The following DRAM1 variants were observed in gnomAD, a reference collection of about 807,000 sequenced individuals.
DRAM1 encodes DNA damage-regulated autophagy modulator protein 1.
Under a neutral mutation model 28.5 loss-of-function variants are expected in DRAM1, and 25 were observed. The ratio of observed to expected loss-of-function variants is 0.88; its 90% CI spans 0.64 to 1.23. The LOEUF (loss-of-function observed/expected upper bound fraction) is 1.23. DRAM1 is among the 50% of genes most tolerant of loss of function. The probability of loss-of-function intolerance (pLI) is 0.00; values close to 1 mark genes in which losing one functional copy is unlikely to be tolerated. For synonymous variants in DRAM1, 113 were observed against 114.2 expected (o/e 0.99, Z 0.07); for missense variants, 249 against 299.2 (o/e 0.83, Z 1.24).
intron 3 of DRAM1, among the ~76,000 whole-genome samples, chr12:101,907,954 C>T (rs566075388): frequency 3.9e-4 from 60 of 152,226 alleles, no homozygotes; most frequent in African/African-American, 1.4e-3. Flanking sequence ...ACCTGTAAGG[C>T]AGACCTCCTT....
chr12:101,882,330 T>C (rs939939928), intron 1 of DRAM1, among the ~76,000 whole-genome samples: 7 of 150,898 alleles, frequency 4.6e-5, no homozygotes, highest in South Asian at 2.3e-4. Context: ...CAGGATGGTC[T>C]CGATCTCCTG....
intron 3 of DRAM1, among the ~76,000 whole-genome samples, chr12:101,903,550 G>C (rs1873677205): frequency 6.6e-6 from 1 of 152,076 alleles, no homozygotes; most frequent in Admixed American, 6.6e-5. Flanking sequence ...GGGAGGTATT[G>C]GTCAAAGGGT....
chr12:101,918,639 C>A (rs955782123), intron 5 of DRAM1, among the ~76,000 whole-genome samples: 2 of 152,228 alleles, frequency 1.3e-5, no homozygotes, highest in African/African-American at 4.8e-5. Context: ...TGTGATCCAG[C>A]ACATTTACTT....
At chr12:101,908,893 CAAAAAAAAAAA>C (rs56843086) in intron 4 of DRAM1, among the ~76,000 whole-genome samples, 1 of 70,892 alleles carries the variant, frequency 1.4e-5, no homozygotes, top group African/African-American at 4.8e-5. Context: ...TCCCCACAAC[CAAAAAAAAAAA>C]AAAAAAAAAA....
At chr12:101,900,334 G>T (rs1415856539) in intron 2 of DRAM1, among the ~76,000 whole-genome samples, 1 of 152,146 alleles carries the variant, frequency 6.6e-6, no homozygotes, top group Non-Finnish European at 1.5e-5. Flanking sequence ...CAGAAGAATT[G>T]ATAGATATGA....
chr12:101,904,774 T>TCC (rs1873742571), intron 3 of DRAM1, among the ~76,000 whole-genome samples: 1 of 152,086 alleles, frequency 6.6e-6, no homozygotes, highest in African/African-American at 2.4e-5. Flanking sequence ...TCTCTCTCTC[T>TCC]CCCTCTCTGT....
chr12:101,883,737 A>G (rs1872774683), intron 1 of DRAM1, among the ~76,000 whole-genome samples: 1 of 151,730 alleles, frequency 6.6e-6, no homozygotes, highest in Non-Finnish European at 1.5e-5. Flanking sequence ...AGAGATCGCA[A>G]CCATTCTGGC....
At position 101,921,715 on chromosome 12, in the gene DRAM1, T is replaced by G. The variant is rs181948120; in HGVS notation, c.*455T>G. On this transcript the variant is annotated 3_prime_UTR_variant, in exon 7 of 7. Transcript: ENST00000258534. ...TGAATGAACTGTATAATTTTTTTTA[T>G]CAGGAGAGCACTTATAAAATTCAAT... 1 of 154,170 alleles carries G rather than the reference T, an allele frequency of 6.5e-6. No individual in the cohort carries two copies. Among genetic ancestry groups the G allele is most frequent in the East Asian group, 1.9e-4 (1 of 5,216 alleles). The allele number at this position is 154,170 out of a possible 1,614,324, so 9.6% of individuals were successfully genotyped here. A position where few individuals can be genotyped will look rare whatever the true frequency, so the allele number is the denominator to read the frequency against.
chr12:101,922,552 G>GT lies in DRAM1; in HGVS notation c.*1293dup, dbSNP rs1874523656. 4 of 152,366 alleles carry GT rather than the reference G, an allele frequency of 2.6e-5. No homozygotes were observed. The highest frequency in any genetic ancestry group is 9.6e-5 in the African/African-American group (4 of 41,576). 9.4% of individuals were successfully genotyped at this position (152,366 alleles called of 1,614,324 possible). A position where few individuals can be genotyped will look rare whatever the true frequency, so the allele number is the denominator to read the frequency against. Reference sequence around the variant, plus strand: ...TAGCTCCTCATTAACTATTTGTTGGGTGAGTAAAGGGGTGAGGCTCAGTGG... The same window carrying GT: ...TAGCTCCTCATTAACTATTTGTTGGGTTGAGTAAAGGGGTGAGGCTCAGTGG... On this transcript the variant is annotated 3_prime_UTR_variant, in exon 7 of 7. Transcript: ENST00000258534.
At chr12:101,903,529 GAT>G (rs1269206898) in intron 3 of DRAM1, among the ~76,000 whole-genome samples, 1 of 152,162 alleles carries the variant, frequency 6.6e-6, no homozygotes, top group Non-Finnish European at 1.5e-5. Flanking sequence ...TGAAGAGGAA[GAT>G]GAGGAGCGGG....
At position 101,921,591 on chromosome 12, in the gene DRAM1, T is replaced by A. The variant is rs1874487218; in HGVS notation, c.*331T>A. 5.2e-6 allele frequency: 1 copy of A among 190,968 alleles called. No homozygotes were observed. Among genetic ancestry groups the A allele is most frequent in the Non-Finnish European group, 1.1e-5 (1 of 94,118 alleles). 11.8% of individuals were successfully genotyped at this position (190,968 alleles called of 1,614,324 possible). A position where few individuals can be genotyped will look rare whatever the true frequency, so the allele number is the denominator to read the frequency against. On this transcript the variant is annotated 3_prime_UTR_variant, in exon 7 of 7. Coordinates refer to ENST00000258534, the MANE Select transcript of DRAM1 (RefSeq NM_018370.3). Reference sequence around the variant, plus strand: ...GATTCTGTCGTTTTTGTTTTATTTGTGTGAGATTTATGGAAATACACTAAA... The same window carrying A: ...GATTCTGTCGTTTTTGTTTTATTTGAGTGAGATTTATGGAAATACACTAAA...
At chr12:101,913,007 T>C (rs76997354) in intron 4 of DRAM1, among the ~76,000 whole-genome samples, 13,549 of 152,086 alleles carry the variant, frequency 0.089, 1,187 homozygotes, top group East Asian at 0.24. Context: ...GGATTACAGG[T>C]GTGAGCCACT....
chr12:101,901,235 T>A (rs987733129), intron 2 of DRAM1, 56 bp from the exon 3 acceptor site: 26 of 1,565,258 alleles, frequency 1.7e-5, no homozygotes, highest in Non-Finnish European at 2.2e-5. Context: ...TGCTCCTGTT[T>A]TTCATCCTAA....
intron 3 of DRAM1, among the ~76,000 whole-genome samples, chr12:101,904,588 C>T (rs1200088858): frequency 6.6e-6 from 1 of 151,436 alleles, no homozygotes; most frequent in East Asian, 1.9e-4. Context: ...ACTACAGGCG[C>T]CCGCCACCAC....
chr12:101,888,272 G>A (rs1872962090), intron 1 of DRAM1, among the ~76,000 whole-genome samples: 1 of 151,966 alleles, frequency 6.6e-6, no homozygotes, highest in African/African-American at 2.4e-5. Flanking sequence ...TGGGATTACA[G>A]GCGTCCGCCA....
intron 1 of DRAM1, among the ~76,000 whole-genome samples, chr12:101,882,403 C>T (rs145479385): frequency 0.017 from 2,519 of 151,276 alleles, 67 homozygotes; most frequent in African/African-American, 0.058. Context: ...AGCCACCGCG[C>T]CCGGCCCCTG....
In DRAM1 at chr12:101,877,899, A is replaced by C; in HGVS notation, c.110A>C (p.Asn37Thr). The stretch of plus-strand genomic sequence containing the variant: ...GTCGCCGTGCTCTCCGGGCACGTCA[A>C]CCCCTTCCTCCCGTATATCAGGTGA... ...YVVAVLSGHV[N>T]PFLPYISDTG... Residue 37 changes from asparagine (N) to threonine (T), a missense_variant, in exon 1 of 7, where the codon AAC becomes ACC. Coordinates refer to ENST00000258534, the MANE Select transcript of DRAM1 (RefSeq NM_018370.3). This position sits in a 1 kb window ranked among gnomAD's most constrained non-coding sequence, Gnocchi z 4.1. 6.5e-7 allele frequency: 1 copy of C among 1,539,162 alleles called. No individual in the cohort carries two copies. The highest frequency in any genetic ancestry group is 2.5e-5 in the East Asian group (1 of 40,348).
At chr12:101,906,584 T>C (rs1406839608) in intron 3 of DRAM1, among the ~76,000 whole-genome samples, 1 of 152,168 alleles carries the variant, frequency 6.6e-6, no homozygotes, top group Admixed American at 6.5e-5. Flanking sequence ...CTGGGTGTGG[T>C]GGCTCATGCC....
At chr12:101,916,239 GC>G (rs1874238843) in intron 5 of DRAM1, among the ~76,000 whole-genome samples, 1 of 152,252 alleles carries the variant, frequency 6.6e-6, no homozygotes, top group Admixed American at 6.5e-5. Flanking sequence ...TAGGCCAGGT[GC>G]TGTGGTTCAT....
Sources: gnomAD v4.1 joint callset for allele counts (sites outside exome capture counted in the v4.1 genomes callset) on GRCh38, gnomAD v4.1.1 for gene constraint, Gnocchi (gnomAD v3.1) non-coding constraint, MANE v1.5 for transcripts, NCBI Gene and HGNC (gene_info 2026-07-23, HGNC 2026-07-21) for gene names.